ANKRD10: variants seen among roughly 807,000 people sequenced by gnomAD.
ANKRD10 encodes ankyrin repeat domain 10.
A neutral mutation model predicts 27.0 loss-of-function variants in ANKRD10; 14 were observed. The observed-to-expected ratio is 0.52, with a 90% CI of 0.34 to 0.81. The LOEUF is 0.81. ANKRD10 is among the 40% of genes least tolerant of loss of function. The pLI, the probability that ANKRD10 is intolerant of heterozygous loss-of-function variation, is 0.01. For missense variants in ANKRD10, 493 were observed against 544.0 expected, an observed-to-expected ratio of 0.91 and a Z score of 0.93; for synonymous variants, 250 against 224.5, an observed-to-expected ratio of 1.11 and a Z score of -1.01.
chr13:110,883,888 C>T (rs746550345), intron 4 of ANKRD10, 95 bp from the exon 5 acceptor site: 5 of 997,232 alleles, frequency 5.0e-6, no homozygotes, highest in Admixed American at 2.7e-5. Flanking sequence ...GAGCACTGAA[C>T]ACTTTAAACA....
At chr13:110,897,938 A>G (rs1208347325) in intron 3 of ANKRD10, among the ~76,000 whole-genome samples, 2 of 152,228 alleles carry the variant, frequency 1.3e-5, no homozygotes, top group Non-Finnish European at 2.9e-5. Context: ...TTTAGAACGA[A>G]TATTTCTCCT....
chr13:110,905,945 T>C (rs577033122), intron 3 of ANKRD10, 88 bp downstream of exon 3: 4 of 1,244,262 alleles, frequency 3.2e-6, no homozygotes, highest in Admixed American at 2.7e-5. Context: ...AACAAAGTTT[T>C]AGGACTTTTG....
At chr13:110,900,676 G>C (rs1446122054) in intron 3 of ANKRD10, 1 of 1,351,478 alleles carries the variant, frequency 7.4e-7, no homozygotes, top group African/African-American at 1.5e-5. Context: ...AAAAAATCAA[G>C]TCAATTCGAA....
At chr13:110,903,054 TAA>T (rs1181168699) in intron 3 of ANKRD10, among the ~76,000 whole-genome samples, 1 of 152,198 alleles carries the variant, frequency 6.6e-6, no homozygotes, top group Non-Finnish European at 1.5e-5. Flanking sequence ...AAAATCACAT[TAA>T]GACTTAATGT....
chr13:110,888,071 G>A (rs959284821), intron 4 of ANKRD10, among the ~76,000 whole-genome samples: 1 of 152,128 alleles, frequency 6.6e-6, no homozygotes, highest in African/African-American at 2.4e-5. Context: ...GGACCCGCCA[G>A]GGCCCAGATT....
chr13:110,900,609 C>A, intron 3 of ANKRD10: 1 of 1,351,784 alleles, frequency 7.4e-7, no homozygotes, highest in Non-Finnish European at 9.8e-7. Flanking sequence ...CGGAGAAGCA[C>A]CTGTGGCAGT....
At chr13:110,897,605 T>C (rs2065264167) in intron 3 of ANKRD10, among the ~76,000 whole-genome samples, 1 of 152,208 alleles carries the variant, frequency 6.6e-6, no homozygotes, top group Non-Finnish European at 1.5e-5. Context: ...TCTGTTCATT[T>C]GCTGATAGAC....
intron 4 of ANKRD10, among the ~76,000 whole-genome samples, chr13:110,885,298 A>G (rs980048105): frequency 1.3e-5 from 2 of 152,134 alleles, no homozygotes; most frequent in Non-Finnish European, 2.9e-5. Flanking sequence ...CATGCCTGTA[A>G]TCCCAGCACT....
At chr13:110,897,544 G>GT (rs1220446339) in intron 3 of ANKRD10, among the ~76,000 whole-genome samples, 3 of 151,736 alleles carry the variant, frequency 2.0e-5, no homozygotes, top group Admixed American at 6.6e-5. Context: ...ACAGAATTTT[G>GT]TTTTTTTAAT....
chr13:110,880,088 G>C lies in ANKRD10; in HGVS notation c.812C>G (p.Ser271Trp). 6.2e-7 allele frequency: 1 copy of C among 1,613,846 alleles called. No homozygotes were observed. Among genetic ancestry groups the C allele is most frequent in the Non-Finnish European group, 8.5e-7 (1 of 1,179,844 alleles). The change falls in exon 6 of 6, where the codon TCG (serine) becomes TGG (tryptophan). Residue 271 changes from serine (S) to tryptophan (W), a missense_variant. By Grantham distance (177) the Ser-to-Trp change is radical. Coordinates refer to ENST00000267339, the MANE Select transcript of ANKRD10 (RefSeq NM_017664.4). ...GACACATCCATTTGTCAATGTATTC[G>C]ATACGGAGCTACTGTTTTTCATATC... ...VTDMKNSSSV[S>W]NTLTNGCVIN...
At chr13:110,883,485 T>C (rs1046363052) in intron 5 of ANKRD10, 2 of 1,291,354 alleles carry the variant, frequency 1.5e-6, no homozygotes, top group Non-Finnish European at 2.0e-6. Context: ...ATAACATTTT[T>C]AAAAAGACAC....
At position 110,910,705 on chromosome 13, in the gene ANKRD10, C is replaced by T. The variant is rs34628205; in HGVS notation, c.276G>A (p.Ala92=). ...ATLNVSTTRY[A]QTPAHIAAFG... ...AGGCTGCAATGTGGGCTGGCGTCTG[C>T]GCGTACCGTGTGGTGGAGACGTTGA... Residue 92 remains alanine (A), a synonymous_variant, in exon 2 of 6, where the codon GCG becomes GCA. Coordinates refer to ENST00000267339, the MANE Select transcript of ANKRD10 (RefSeq NM_017664.4). 0.045 allele frequency: 72,249 copies of T among 1,614,046 alleles called. 3,570 individuals carry two copies. The highest frequency in any genetic ancestry group is 0.16 in the East Asian group (7,106 of 44,864).
intron 4 of ANKRD10, 50 bp downstream of exon 4, chr13:110,892,978 T>C (rs1391999489): frequency 1.3e-6 from 2 of 1,599,924 alleles, no homozygotes; most frequent in Admixed American, 1.7e-5. Flanking sequence ...GAAAACATAT[T>C]ACAGAAAGGA....
rs78880845 is a variant in ANKRD10 at position 110,882,603 on chromosome 13, A to T, written c.787+1095T>A. Among the ~76,000 whole-genome samples, 451 of 152,330 alleles carry T rather than the reference A, an allele frequency of 3.0e-3. 1 individual carries two copies. Among genetic ancestry groups the T allele is most frequent in the Non-Finnish European group, 3.4e-3 (234 of 68,020 alleles). On this transcript the variant is annotated intron_variant, in intron 5 of 5. Coordinates refer to ENST00000267339, the MANE Select transcript of ANKRD10 (RefSeq NM_017664.4). ...AAAAGAAGGTAGCAAGGTCACTTTTAAAAAAAGCAGGATTTGAGTTTTGTT... is the reference window on the plus strand; with the variant it reads ...AAAAGAAGGTAGCAAGGTCACTTTTTAAAAAAGCAGGATTTGAGTTTTGTT...
intron 3 of ANKRD10, chr13:110,894,569 A>G (rs1449810781): frequency 6.4e-6 from 1 of 156,922 alleles, no homozygotes; most frequent in African/African-American, 2.4e-5. Context: ...CATGGACACT[A>G]GCTAAGCGTC....
At position 110,879,678 on chromosome 13, in the gene ANKRD10, T is replaced by G. The variant is rs1338317725; in HGVS notation, c.1222A>C (p.Ser408Arg). 5 of 1,614,040 alleles carry G rather than the reference T, an allele frequency of 3.1e-6. No individual in the cohort carries two copies. The highest frequency in any genetic ancestry group is 4.2e-6 in the Non-Finnish European group (5 of 1,180,024). ...AGGTGCATGGTGCCCAGCACGGCAC[T>G]GTCGTACCGCTCCTGCACCTTCACG... ...KSVKVQERYD[S>R]AVLGTMHLHH... The change falls in exon 6 of 6, where the codon AGT becomes CGT. Residue 408 changes from serine to arginine, a missense_variant. Coordinates refer to ENST00000267339, the MANE Select transcript of ANKRD10 (RefSeq NM_017664.4).
At chr13:110,909,357 G>C (rs2065628311) in intron 2 of ANKRD10, among the ~76,000 whole-genome samples, 1 of 152,192 alleles carries the variant, frequency 6.6e-6, no homozygotes, top group Admixed American at 6.5e-5. Context: ...CCAGGGGACA[G>C]GGGTAGGGAA....
At chr13:110,883,566 G>T in intron 5 of ANKRD10, 132 bp downstream of exon 5, 1 of 1,416,708 alleles carries the variant, frequency 7.1e-7, no homozygotes. Context: ...TTCCTGCAAC[G>T]ACAGGGGGTC....
chr13:110,893,049 C>T lies in ANKRD10; in HGVS notation c.670G>A (p.Val224Ile). ...TCACCTTCAGTTCTAGCTTTCTTTA[C>T]TCCAAAGTCTTCTGAGTCTTCCAAG... ...RCLEDSEDFG[V>I]KKARTEAQSL... is the part of the protein sequence containing the mutation. Residue 224 changes from valine (V) to isoleucine (I), a missense_variant, in exon 4 of 6, where the codon GTA becomes ATA. Physicochemically the swap from Val to Ile is conservative, Grantham distance 29. Transcript: ENST00000267339. The T allele has an allele frequency of 6.2e-7, 1 of 1,614,182 alleles. No individual in the cohort carries two copies. Among genetic ancestry groups the T allele is most frequent in the Non-Finnish European group, 8.5e-7 (1 of 1,180,010 alleles).
Sources: allele counts gnomAD v4.1 joint callset (sites outside exome capture counted in the v4.1 genomes callset), GRCh38; gene constraint gnomAD v4.1.1; transcripts MANE v1.5; gene names NCBI Gene and HGNC (gene_info 2026-07-23, HGNC 2026-07-21).